PALD1: variants seen among roughly 807,000 people sequenced by gnomAD.
PALD1 encodes the protein paladin.
In PALD1, 57 loss-of-function variants were observed where a neutral mutation model predicts 96.0. The ratio of observed to expected loss-of-function variants is 0.59; its 90% confidence interval spans 0.48 to 0.74. The LOEUF is 0.74. Ranked by LOEUF, PALD1 falls within the 30% of genes least tolerant of loss-of-function variation. The pLI is 0.00. For missense variants in PALD1, 1,063 were observed against 1,143.7 expected (o/e 0.93, Z 1.02); for synonymous variants, 464 against 473.6 (o/e 0.98, Z 0.26).
the PALD1 span, among the ~76,000 whole-genome samples, chr10:70,472,101 C>T: frequency 1.3e-5 from 2 of 152,138 alleles, no homozygotes; most frequent in Non-Finnish European, 2.9e-5. Flanking sequence ...CACGAAAGCC[C>T]CTGGGAGGTT....
intron 10 of PALD1, among the ~76,000 whole-genome samples, chr10:70,535,515 G>T (rs114218929): frequency 9.2e-6 from 1 of 108,274 alleles, no homozygotes; most frequent in Non-Finnish European, 1.8e-5. Context: ...CTCTTTCTCC[G>T]CCTCTTCCTC....
At chr10:70,461,051 G>A in the PALD1 span, among the ~76,000 whole-genome samples, 13 of 149,718 alleles carry the variant, frequency 8.7e-5, no homozygotes, top group South Asian at 6.3e-4. Flanking sequence ...GCAAAACTTC[G>A]TCTCAAAAAA....
intron 18 of PALD1, among the ~76,000 whole-genome samples, chr10:70,562,749 A>G (rs1222434573): frequency 6.6e-6 from 1 of 151,884 alleles, no homozygotes; most frequent in Non-Finnish European, 1.5e-5. Context: ...CTCCCCTTCC[A>G]TAGCGTGCAG....
At chr10:70,551,340 C>G (rs974336726) in intron 18 of PALD1, among the ~76,000 whole-genome samples, 3 of 152,184 alleles carry the variant, frequency 2.0e-5, no homozygotes, top group African/African-American at 7.2e-5. Flanking sequence ...GTCTGTGGTT[C>G]TTTGCTCAGA....
At chr10:70,503,346 A>C (rs577398855) in intron 1 of PALD1, among the ~76,000 whole-genome samples, 92 of 152,322 alleles carry the variant, frequency 6.0e-4, no homozygotes, top group African/African-American at 2.2e-3. Context: ...GTTGAATGAC[A>C]GATAATAGGC....
intron 1 of PALD1, among the ~76,000 whole-genome samples, chr10:70,492,078 T>G (rs999770783): frequency 2.0e-5 from 3 of 152,242 alleles, no homozygotes; most frequent in Admixed American, 1.3e-4. Context: ...AAGTATTTGT[T>G]TGGATACTTG....
At chr10:70,486,477 C>A (rs556874763) in intron 1 of PALD1, among the ~76,000 whole-genome samples, 1 of 152,170 alleles carries the variant, frequency 6.6e-6, no homozygotes, top group Non-Finnish European at 1.5e-5. Flanking sequence ...ACTTCATTAG[C>A]CAGTTGGGCA....
chr10:70,486,120 T>A, intron 1 of PALD1: 1 of 220,438 alleles, frequency 4.5e-6, no homozygotes, highest in Non-Finnish European at 1.0e-5. Flanking sequence ...GGAGGAAGTT[T>A]CTTTCCTGTC....
At chr10:70,531,858 C>T (rs1247810692) in intron 5 of PALD1, among the ~76,000 whole-genome samples, 1 of 152,108 alleles carries the variant, frequency 6.6e-6, no homozygotes, top group South Asian at 2.1e-4. Context: ...TTGCGCATGC[C>T]TATAATCCTA....
Position 70,522,195 on chromosome 10 carries a change from A to ATT in PALD1, c.-29-3719_-29-3718dup, listed in dbSNP as rs199546227. Among the ~76,000 whole-genome samples, 157 of 150,526 alleles carry ATT rather than the reference A, an allele frequency of 1.0e-3. 1 individual carries two copies. Among genetic ancestry groups the ATT allele is most frequent in the African/African-American group, 3.7e-3 (153 of 41,038 alleles). ...CATGGTGGACACCCAGGCCGTTGTG[A>ATT]TTTTTTTTTTGAGGTTTCCCAAGTA... On this transcript the variant is annotated intron_variant, in intron 1 of 19. Coordinates refer to ENST00000263563, the MANE Select transcript of PALD1 (RefSeq NM_014431.3).
the PALD1 span, among the ~76,000 whole-genome samples, chr10:70,459,110 C>G: frequency 6.6e-6 from 1 of 152,106 alleles, no homozygotes. Flanking sequence ...CACTCCAAGC[C>G]CCAGGGAGCC....
chr10:70,535,236 G>C (rs1295343002), intron 10 of PALD1, among the ~76,000 whole-genome samples: 1 of 152,206 alleles, frequency 6.6e-6, no homozygotes, highest in Non-Finnish European at 1.5e-5. Context: ...TGGGCTCTAG[G>C]CTGTCTCAGC....
At chr10:70,531,233 G>T in intron 4 of PALD1, 57 bp from the exon 5 acceptor site, 9 of 1,466,896 alleles carry the variant, frequency 6.1e-6, no homozygotes, top group Non-Finnish European at 8.5e-6. Context: ...GGGCAGTGGT[G>T]CAGGTGTCTG....
In PALD1 at chr10:70,500,297, C is replaced by T. The variant is rs137933405; in HGVS notation, c.-30+21238C>T. On this transcript the variant is annotated intron_variant, in intron 1 of 19. Transcript: ENST00000263563. ...CTCAGGTGCCTCCACATGGTGCCTC[C>T]TCCCTGCAGCCCCACTAGGTGGACA... Among the ~76,000 whole-genome samples, 3 of 152,262 alleles carry T rather than the reference C, an allele frequency of 2.0e-5. No individual in the cohort carries two copies. The East Asian group carries it at 5.8e-4, about 29-fold the overall frequency.
At position 70,555,480 on chromosome 10, in the gene PALD1, C is replaced by G. The variant is rs542952424; in HGVS notation, c.2262+8034C>G. On this transcript the variant is annotated intron_variant, in intron 18 of 19. Transcript: ENST00000263563. ...TTCTGCCGCTGTGGCAGCCACGACCCGGGGGCAATCTTGTGGTGGCAGAGA... is the reference window on the plus strand; with the variant it reads ...TTCTGCCGCTGTGGCAGCCACGACCGGGGGGCAATCTTGTGGTGGCAGAGA... Among the ~76,000 whole-genome samples the G allele has an allele frequency of 1.9e-3, 270 of 138,900 alleles. 1 individual carries two copies. The highest frequency in any genetic ancestry group is 5.9e-3 in the African/African-American group (241 of 40,584). 91.1% of individuals were successfully genotyped at this position (138,900 alleles called of 152,430 possible).
rs894615215 is a variant in PALD1, at chr10:70,539,273, C to G, written c.1725+26C>G. The G allele has an allele frequency of 1.3e-6, 2 of 1,588,508 alleles. No individual in the cohort carries two copies. Among genetic ancestry groups the G allele is most frequent in the African/African-American group, 1.3e-5 (1 of 74,548 alleles). On this transcript the variant is annotated intron_variant, in intron 14 of 19. Transcript: ENST00000263563. This position sits in a 1 kb window ranked among gnomAD's most constrained non-coding sequence, Gnocchi z 4.5. ...GTGAGGCCCCCTGCCCTCTAGGCAC[C>G]CCTGCCTCCGAGGCTTCTGGGGAGT...
intron 17 of PALD1, among the ~76,000 whole-genome samples, chr10:70,546,104 G>A (rs1177737930): frequency 1.3e-5 from 2 of 152,046 alleles, no homozygotes; most frequent in African/African-American, 4.8e-5. Flanking sequence ...GGGTGCGGTG[G>A]CAGGTGCCTG....
chr10:70,498,312 A>G (rs996788890), intron 1 of PALD1, among the ~76,000 whole-genome samples: 5 of 152,172 alleles, frequency 3.3e-5, no homozygotes, highest in African/African-American at 9.7e-5. Flanking sequence ...GTCTTGCTCT[A>G]TCACCAGAGC....
chr10:70,524,368 C>T (rs1846809502), intron 1 of PALD1, among the ~76,000 whole-genome samples: 1 of 152,104 alleles, frequency 6.6e-6, no homozygotes, highest in African/African-American at 2.4e-5. Context: ...GAATTCCCAG[C>T]CCCCTCCCTT....
Sources: gnomAD v4.1 joint callset for allele counts (sites outside exome capture counted in the v4.1 genomes callset) on GRCh38, gnomAD v4.1.1 for gene constraint, Gnocchi (gnomAD v3.1) non-coding constraint, MANE v1.5 for transcripts, NCBI Gene and HGNC (gene_info 2026-07-23, HGNC 2026-07-21) for gene names.